The following LARP1 variants were observed in gnomAD, a reference collection of about 807,000 sequenced individuals.
The protein encoded by LARP1 is la-related protein 1.
LARP1 carries 36 observed loss-of-function variants against 122.7 expected under a neutral mutation model. That is an observed-to-expected ratio of 0.29 (90% CI 0.22 to 0.39). The LOEUF is 0.39. LARP1 is among the 10% of genes least tolerant of loss of function. The pLI, the probability that LARP1 is intolerant of heterozygous loss-of-function variation, is 1.00. For synonymous variants in LARP1, 539 were observed against 528.7 expected (o/e 1.02, Z -0.27); for missense variants, 1,040 against 1,403.6 (o/e 0.74, Z 4.14).
chr5:154,765,880 C>T lies in LARP1; in HGVS notation c.436+9687C>T, dbSNP rs147130062. Among the ~76,000 whole-genome samples the T allele has an allele frequency of 2.6e-5, 4 of 152,318 alleles. No homozygotes were observed. In the East Asian group the frequency reaches 7.7e-4, roughly 29 times the overall value. ...TACATTTTGAGTGCTTACCATGTGTCAGACATAGGGGATACTGCAGTGCAT... is the reference window on the plus strand; with the variant it reads ...TACATTTTGAGTGCTTACCATGTGTTAGACATAGGGGATACTGCAGTGCAT... On this transcript the variant is annotated intron_variant, in intron 1 of 18. Transcript: ENST00000518297.
At chr5:154,777,852 A>G (rs111518480) in intron 1 of LARP1, among the ~76,000 whole-genome samples, 3,262 of 152,292 alleles carry the variant, frequency 0.021, 111 homozygotes, top group African/African-American at 0.075. Flanking sequence ...AAAAAAATAT[A>G]TATAATAAAG....
intron 1 of LARP1, among the ~76,000 whole-genome samples, chr5:154,785,956 G>A (rs1407518304): frequency 2.0e-5 from 3 of 152,138 alleles, no homozygotes; most frequent in Admixed American, 6.5e-5. Context: ...TAGTGGGTTT[G>A]CCATGCAGAT....
intron 1 of LARP1, among the ~76,000 whole-genome samples, chr5:154,747,323 AAAAG>A (rs1331211546): frequency 4.6e-5 from 7 of 151,298 alleles, no homozygotes; most frequent in African/African-American, 1.7e-4. Context: ...AAAAAAAAGA[AAAAG>A]AAAAAAGGCT....
At chr5:154,778,274 AAAAG>A (rs1349555946) in intron 1 of LARP1, among the ~76,000 whole-genome samples, 2 of 151,902 alleles carry the variant, frequency 1.3e-5, no homozygotes, top group Admixed American at 1.3e-4. Flanking sequence ...AAAAAAAAAA[AAAAG>A]TGCAGCTCTG....
At chr5:154,812,573 G>A (rs1355914711) in intron 18 of LARP1, among the ~76,000 whole-genome samples, 1 of 133,516 alleles carries the variant, frequency 7.5e-6, no homozygotes, top group Non-Finnish European at 1.5e-5. Flanking sequence ...AGGCTAGAGT[G>A]CAGTGGCACG....
intron 1 of LARP1, among the ~76,000 whole-genome samples, chr5:154,699,728 C>T (rs552115847): frequency 6.6e-6 from 1 of 152,268 alleles, no homozygotes; most frequent in Non-Finnish European, 1.5e-5. Flanking sequence ...CTCCATGGAA[C>T]ACCTGGAGGG....
chr5:154,802,551 C>A lies in LARP1; in HGVS notation c.2109+152C>A. 1.1e-6 allele frequency: 1 copy of A among 951,040 alleles called. No individual in the cohort carries two copies. Among genetic ancestry groups the A allele is most frequent in the Non-Finnish European group, 1.5e-6 (1 of 665,264 alleles). The allele number at this position is 951,040 out of a possible 1,614,324, so 58.9% of individuals were successfully genotyped here. The stretch of plus-strand genomic sequence containing the variant: ...ATGGGAAGGGGATGATGACTGACAT[C>A]TAGCTTGGGCATTAGGAGTGAGGGG... On this transcript the variant is annotated intron_variant, in intron 11 of 18. Transcript: ENST00000518297. This position sits in a 1 kb window ranked among gnomAD's most constrained non-coding sequence, Gnocchi z 5.1.
chr5:154,794,082 C>T lies in LARP1; in HGVS notation c.1070-18C>T. 1 of 1,613,662 alleles carries T rather than the reference C, an allele frequency of 6.2e-7. No individual in the cohort carries two copies. Among genetic ancestry groups the T allele is most frequent in the South Asian group, 1.1e-5 (1 of 91,012 alleles). On this transcript the variant is annotated intron_variant, in intron 6 of 18. Transcript: ENST00000518297. Reference sequence around the variant, plus strand: ...GGCAGGAATCTCCTCTCCCTCATGGCACCCGTTTCCCCCATAGCCCATTTT... The same window carrying T: ...GGCAGGAATCTCCTCTCCCTCATGGTACCCGTTTCCCCCATAGCCCATTTT...
intron 1 of LARP1, among the ~76,000 whole-genome samples, chr5:154,738,644 G>A (rs888696134): frequency 1.3e-5 from 2 of 151,992 alleles, no homozygotes; most frequent in Non-Finnish European, 2.9e-5. Context: ...TAGACTGCTG[G>A]CTCCAATATG....
upstream of LARP1, among the ~76,000 whole-genome samples, chr5:154,712,033 C>A (rs986857851): frequency 6.6e-6 from 1 of 152,150 alleles, no homozygotes; most frequent in African/African-American, 2.4e-5. Flanking sequence ...ATATCTAGAT[C>A]CCCTCTCTCC....
intron 8 of LARP1, among the ~76,000 whole-genome samples, chr5:154,797,218 G>GTTT (rs1430709731): frequency 3.0e-5 from 2 of 66,234 alleles, no homozygotes; most frequent in African/African-American, 1.2e-4. Flanking sequence ...TTTTGTTGTT[G>GTTT]TTGTTTTTTT....
At chr5:154,759,131 A>G (rs189617476) in intron 1 of LARP1, among the ~76,000 whole-genome samples, 5 of 152,330 alleles carry the variant, frequency 3.3e-5, no homozygotes, top group Admixed American at 2.0e-4. Flanking sequence ...TTATTTAACC[A>G]TTCTATGCCT....
At chr5:154,806,836 A>T (rs1050419854) in intron 15 of LARP1, among the ~76,000 whole-genome samples, 1 of 152,212 alleles carries the variant, frequency 6.6e-6, no homozygotes, top group Non-Finnish European at 1.5e-5. Context: ...ATGATGGAAC[A>T]TACCTAAAGA....
At chr5:154,763,420 T>A (rs866173219) in intron 1 of LARP1, among the ~76,000 whole-genome samples, 2 of 152,056 alleles carry the variant, frequency 1.3e-5, no homozygotes, top group Non-Finnish European at 2.9e-5. Flanking sequence ...TCAGGAGACG[T>A]TTAGCAACTC....
intron 2 of LARP1, 98 bp from the exon 3 acceptor site, chr5:154,790,547 C>T: frequency 1.4e-6 from 2 of 1,384,684 alleles, no homozygotes; most frequent in Non-Finnish European, 2.1e-6. Context: ...GGTGAACAGA[C>T]TGATTTGGCC....
At position 154,683,083 on chromosome 5, in the gene LARP1, C is replaced by G. The variant is rs1212659221; in HGVS notation, c.-180+46C>G. On this transcript the variant is annotated intron_variant, in intron 1 of 18. Transcript: ENST00000687700. Reference sequence around the variant, plus strand: ...GCGACGCCGTGCGACCCGGCACCACCGTCTGGGCCCTTTCCCGGAGAGGCC... The same window carrying G: ...GCGACGCCGTGCGACCCGGCACCACGGTCTGGGCCCTTTCCCGGAGAGGCC... 3.3e-5 allele frequency among the ~76,000 whole-genome samples: 5 copies of G among 152,302 alleles called. No individual in the cohort carries two copies. The East Asian group carries it at 9.7e-4, about 30-fold the overall frequency.
upstream of LARP1, among the ~76,000 whole-genome samples, chr5:154,753,049 C>T (rs1238146101): frequency 1.3e-5 from 2 of 152,032 alleles, no homozygotes. Context: ...CCACCCTCTA[C>T]ACAGCAGGGC....
In LARP1 at chr5:154,803,993, C is replaced by T. The variant is rs1194493770; in HGVS notation, c.2440-208C>T. Among the ~76,000 whole-genome samples the T allele has an allele frequency of 6.6e-6, 1 of 152,146 alleles. No homozygotes were observed. Among genetic ancestry groups the T allele is most frequent in the East Asian group, 1.9e-4 (1 of 5,190 alleles). ...ACCAGGTATGAGTCCTTGGGCAAAT[C>T]ACTGCATTCCCAAACCTTGATTTCT... is the stretch of plus-strand genomic sequence containing the variant. On this transcript the variant is annotated intron_variant, in intron 13 of 18. Transcript: ENST00000518297. The surrounding 1 kb of genome is among the most constrained non-coding windows in gnomAD (Gnocchi z 4.4).
chr5:154,795,143 C>G (rs1561613773), intron 7 of LARP1, 32 bp from the exon 8 acceptor site: 1 of 1,608,260 alleles, frequency 6.2e-7, no homozygotes, highest in African/African-American at 1.3e-5. Flanking sequence ...GCACCAATCC[C>G]TCGGTGATAA....
Sources: gnomAD v4.1 joint callset for allele counts (sites outside exome capture counted in the v4.1 genomes callset) on GRCh38, gnomAD v4.1.1 for gene constraint, Gnocchi (gnomAD v3.1) non-coding constraint, MANE v1.5 for transcripts, NCBI Gene and HGNC (gene_info 2026-07-23, HGNC 2026-07-21) for gene names.